The following COL4A1 variants were observed in gnomAD, a reference collection of about 807,000 sequenced individuals.
COL4A1 encodes collagen alpha-1(IV) chain.
In COL4A1, 40 loss-of-function variants were observed where a neutral mutation model predicts 216.6. The observed-to-expected ratio is 0.18, with a 90% CI of 0.14 to 0.24. The LOEUF (loss-of-function observed/expected upper bound fraction) is 0.24. COL4A1 is among the 10% of genes least tolerant of loss of function. The probability of loss-of-function intolerance (pLI) is 1.00; values close to 1 mark genes in which losing one functional copy is unlikely to be tolerated. For synonymous variants in COL4A1, 839 were observed against 810.7 expected (o/e 1.03, Z -0.59); for missense variants, 1,628 against 2,196.8 (o/e 0.74, Z 5.18).
chr13:110,165,060 A>C, intron 45 of COL4A1, 70 bp from the exon 46 acceptor site: 1 of 1,565,856 alleles, frequency 6.4e-7, no homozygotes, highest in Non-Finnish European at 8.7e-7. Context: ...CTTTAGAAGG[A>C]GAATCCCGGG....
At position 110,237,808 on chromosome 13, in the gene COL4A1, G is replaced by A. The variant is rs149671746; in HGVS notation, c.144+4867C>T. On this transcript the variant is annotated intron_variant, in intron 2 of 51. Transcript: ENST00000375820. ...CAAAGGTGTGACATGGACATACACC[G>A]ATTGTGTCAAATATCTAGGCGCTAA... 6.3e-3 allele frequency among the ~76,000 whole-genome samples: 957 copies of A among 152,296 alleles called. 13 individuals are homozygous for A. Among genetic ancestry groups the A allele is most frequent in the African/African-American group, 0.022 (898 of 41,558 alleles).
intron 2 of COL4A1, among the ~76,000 whole-genome samples, chr13:110,234,603 A>G (rs898615544): frequency 8.6e-5 from 13 of 151,866 alleles, no homozygotes; most frequent in Middle Eastern, 3.4e-3. Context: ...AGAAAAAAAC[A>G]GGGGGGCGTT....
At chr13:110,154,662 G>GAGAGAAGCTGGTCATAC (rs1876682435) in intron 50 of COL4A1, among the ~76,000 whole-genome samples, 1 of 40,378 alleles carries the variant, frequency 2.5e-5, no homozygotes, top group African/African-American at 1.0e-4. Context: ...GCTGCTCATA[G>GAGAGAAGCTGGTCATAC]AGAGAAGCTG....
chr13:110,230,267 TTATGTGTGTGGTGCGTGTATATG>T (rs1248511307), intron 2 of COL4A1, among the ~76,000 whole-genome samples: 4 of 151,754 alleles, frequency 2.6e-5, no homozygotes, highest in African/African-American at 4.8e-5. Context: ...TGTGTATATG[TTATGTGTGTGGTGCGTGTATATG>T]TATGTGTGTG....
Position 110,178,994 on chromosome 13 carries a change from G to A in COL4A1, c.2387C>T (p.Pro796Leu), listed in dbSNP as rs1451221359. ...PPGLPGSVGS[P>L]GVPGIGPPGA... ...AGGGGGGCCTATTCCTGGAACTCCT[G>A]GAGACCCCACGGAGCCTGGCAATCC... Residue 796 changes from proline (P) to leucine (L), a missense_variant, in exon 31 of 52, where the codon CCA (proline) becomes CTA (leucine). Physicochemically the swap from Pro to Leu is moderately conservative, Grantham distance 98 (BLOSUM62 -3). Transcript: ENST00000375820. 5 of 1,611,922 alleles carry A rather than the reference G, an allele frequency of 3.1e-6. No homozygotes were observed. The highest frequency in any genetic ancestry group is 2.2e-5 in the East Asian group (1 of 44,826).
chr13:110,304,318 T>G (rs951002685), intron 1 of COL4A1, among the ~76,000 whole-genome samples: 2 of 152,208 alleles, frequency 1.3e-5, no homozygotes, highest in Non-Finnish European at 2.9e-5. Context: ...CTCACTTAGT[T>G]TGAACTCTAG....
chr13:110,251,002 C>A (rs1203221480), intron 1 of COL4A1, among the ~76,000 whole-genome samples: 1 of 152,260 alleles, frequency 6.6e-6, no homozygotes, highest in Non-Finnish European at 1.5e-5. Flanking sequence ...TCTTTTCCCA[C>A]CAGCCCTGCT....
At position 110,169,648 on chromosome 13, in the gene COL4A1, G is replaced by C; in HGVS notation, c.3857C>G (p.Pro1286Arg). The C allele has an allele frequency of 6.2e-7, 1 of 1,614,052 alleles. No homozygotes were observed. The highest frequency in any genetic ancestry group is 8.5e-7 in the Non-Finnish European group (1 of 1,180,022). Residue 1286 changes from proline (P) to arginine (R), a missense_variant, in exon 43 of 52, where the codon CCT (proline) becomes CGT (arginine). This residue lies in a region of COL4A1 where 345 missense variants were observed against 476.9 expected (regional missense o/e 0.72). Coordinates refer to ENST00000375820, the MANE Select transcript of COL4A1 (RefSeq NM_001845.6). The part of the protein sequence containing the change: ...APGVPGPKGD[P>R]GFQGMPGIGG... ...ACTCACAGGCATGCCCTGGAATCCA[G>C]GGTCTCCCTTGGGCCCTGGGACACC...
Position 110,160,905 on chromosome 13 carries a change from CGT to C in COL4A1, c.4640+285_4640+286del. On this transcript the variant is annotated intron_variant, in intron 49 of 51. Transcript: ENST00000375820. ...TGTATTTTTTGTGGAGATGAAGTCTCGTCATCTTGCCCAGGCTGGTCTTGAAC... is the reference window on the plus strand; with the variant it reads ...TGTATTTTTTGTGGAGATGAAGTCTCCATCTTGCCCAGGCTGGTCTTGAAC... The C allele has an allele frequency of 7.1e-6, 3 of 421,474 alleles. 1 individual carries two copies. Among genetic ancestry groups the C allele is most frequent in the Non-Finnish European group, 1.3e-5 (3 of 225,784 alleles). The allele number at this position is 421,474 out of a possible 1,614,324, so 26.1% of individuals were successfully genotyped here.
At chr13:110,200,367 T>A (rs745784796) in intron 20 of COL4A1, among the ~76,000 whole-genome samples, 1 of 151,968 alleles carries the variant, frequency 6.6e-6, no homozygotes, top group Non-Finnish European at 1.5e-5. Flanking sequence ...AGCCCCGGGG[T>A]CCAGGGAGGC....
chr13:110,172,913 A>C, intron 40 of COL4A1, 143 bp from the exon 41 acceptor site: 1 of 742,050 alleles, frequency 1.3e-6, no homozygotes, highest in Non-Finnish European at 2.5e-6. Context: ...CCTTGTAATA[A>C]AATGATATTC....
intron 40 of COL4A1, among the ~76,000 whole-genome samples, chr13:110,173,167 G>A (rs932145153): frequency 3.3e-5 from 5 of 152,184 alleles, no homozygotes; most frequent in Admixed American, 1.3e-4. Flanking sequence ...GATGACAAAC[G>A]TCAGCAAAGG....
chr13:110,242,869 G>T, intron 1 of COL4A1, 135 bp from the exon 2 acceptor site: 1 of 964,954 alleles, frequency 1.0e-6, no homozygotes, highest in Non-Finnish European at 1.7e-6. Context: ...AATCTTATCT[G>T]CACTGGTTTT....
intron 1 of COL4A1, among the ~76,000 whole-genome samples, chr13:110,290,001 TGAAGG>T (rs1884020836): frequency 6.6e-6 from 1 of 152,072 alleles, no homozygotes. Flanking sequence ...AAAAGGGGCG[TGAAGG>T]GAAGGGTTGG....
intron 1 of COL4A1, among the ~76,000 whole-genome samples, chr13:110,287,533 T>C (rs1393727703): frequency 6.6e-6 from 1 of 152,234 alleles, no homozygotes; most frequent in African/African-American, 2.4e-5. Flanking sequence ...TTTGGGGCTC[T>C]CATTGTATCG....
At chr13:110,254,307 C>T (rs940881842) in intron 1 of COL4A1, among the ~76,000 whole-genome samples, 4 of 152,120 alleles carry the variant, frequency 2.6e-5, no homozygotes, top group Non-Finnish European at 4.4e-5. Context: ...GTTTACTGGA[C>T]GGCTAGCAAG....
chr13:110,213,141 G>C (rs1879900630), intron 4 of COL4A1, among the ~76,000 whole-genome samples: 1 of 151,952 alleles, frequency 6.6e-6, no homozygotes, highest in South Asian at 2.1e-4. Context: ...AGGAGGTGAG[G>C]GATCAAAAAC....
intron 1 of COL4A1, among the ~76,000 whole-genome samples, chr13:110,274,653 A>C (rs1388756181): frequency 6.6e-6 from 1 of 152,188 alleles, no homozygotes; most frequent in Non-Finnish European, 1.5e-5. Flanking sequence ...TGTTAGACAG[A>C]AATGCAATGG....
intron 1 of COL4A1, among the ~76,000 whole-genome samples, chr13:110,253,804 T>G (rs374959288): frequency 5.9e-5 from 4 of 68,024 alleles, no homozygotes; most frequent in African/African-American, 1.6e-4. Context: ...TACGTATATA[T>G]GTATAATTAT....
Sources: gnomAD v4.1 joint callset for allele counts (sites outside exome capture counted in the v4.1 genomes callset) on GRCh38, gnomAD v4.1.1 for gene constraint, gnomAD v4.1.1 regional missense constraint, MANE v1.5 for transcripts, NCBI Gene and HGNC (gene_info 2026-07-23, HGNC 2026-07-21) for gene names.